ARK2C: variants seen among roughly 807,000 people sequenced by gnomAD.
ARK2C encodes the protein arkadia (RNF111) C-terminal like ring finger ubiquitin ligase 2C.
At chr18:46,393,257 A>G in the ARK2C span, among the ~76,000 whole-genome samples, 8 of 152,306 alleles carry the variant, frequency 5.3e-5, no homozygotes. Flanking sequence ...GACAACATCC[A>G]CTTAAGTTTG....
the ARK2C span, chr18:46,455,891 A>G: frequency 1.3e-6 from 1 of 759,376 alleles, no homozygotes; most frequent in Non-Finnish European, 2.3e-6. Context: ...CTCCCAGGGG[A>G]AGAGCAGGCT....
At chr18:46,425,937 C>A in the ARK2C span, among the ~76,000 whole-genome samples, 1 of 152,154 alleles carries the variant, frequency 6.6e-6, no homozygotes, top group Admixed American at 6.5e-5. Context: ...GGGTCCGCCT[C>A]CTCATAGATG....
At chr18:46,432,332 A>G in the ARK2C span, among the ~76,000 whole-genome samples, 3 of 152,254 alleles carry the variant, frequency 2.0e-5, no homozygotes, top group Non-Finnish European at 4.4e-5. Flanking sequence ...TGATAATGTT[A>G]TAACACATTA....
At chr18:46,406,700 A>G in the ARK2C span, among the ~76,000 whole-genome samples, 7 of 152,202 alleles carry the variant, frequency 4.6e-5, no homozygotes, top group Admixed American at 4.6e-4. Context: ...GTGGGCTCAC[A>G]GTGTACAGGT....
chr18:46,460,240 G>GC, the ARK2C span: 1 of 152,234 alleles, frequency 6.6e-6, no homozygotes, highest in Non-Finnish European at 1.5e-5. Flanking sequence ...AATCCCCTAA[G>GC]CCCCCCGCCT....
chr18:46,396,700 C>A, the ARK2C span, among the ~76,000 whole-genome samples: 1 of 152,138 alleles, frequency 6.6e-6, no homozygotes, highest in South Asian at 2.1e-4. Context: ...GACCATGAAC[C>A]AAAGCTTAGG....
At chr18:46,453,926 A>G in the ARK2C span, among the ~76,000 whole-genome samples, 1 of 151,762 alleles carries the variant, frequency 6.6e-6, no homozygotes, top group Admixed American at 6.6e-5. Flanking sequence ...CAGCCTGGCC[A>G]TCATAGAGAG....
chr18:46,414,512 C>T, the ARK2C span, among the ~76,000 whole-genome samples: 1 of 152,192 alleles, frequency 6.6e-6, no homozygotes, highest in South Asian at 2.1e-4. Context: ...CATGTACATG[C>T]ACATATCCAT....
At chr18:46,449,225 A>C in the ARK2C span, among the ~76,000 whole-genome samples, 1 of 152,160 alleles carries the variant, frequency 6.6e-6, no homozygotes. Context: ...GCTGTGATGG[A>C]AACTCCTCTC....
chr18:46,394,071 G>A, the ARK2C span, among the ~76,000 whole-genome samples: 1 of 152,156 alleles, frequency 6.6e-6, no homozygotes, highest in Non-Finnish European at 1.5e-5. Flanking sequence ...CTCGGGTACC[G>A]GAAATCCTGC....
At chr18:46,423,375 C>A in the ARK2C span, among the ~76,000 whole-genome samples, 1 of 152,206 alleles carries the variant, frequency 6.6e-6, no homozygotes, top group African/African-American at 2.4e-5. Flanking sequence ...GAGATTCAAG[C>A]CTATTCCCCA....
chr18:46,441,055 G>A, the ARK2C span, among the ~76,000 whole-genome samples: 1 of 152,086 alleles, frequency 6.6e-6, no homozygotes, highest in Non-Finnish European at 1.5e-5. Context: ...AGTGCACCTT[G>A]GCTCACTGCA....
At chr18:46,417,868 G>A in the ARK2C span, among the ~76,000 whole-genome samples, 1 of 151,920 alleles carries the variant, frequency 6.6e-6, no homozygotes, top group African/African-American at 2.4e-5. Context: ...GCTGGGCTTG[G>A]TGGCAGGCGC....
At chr18:46,358,443 A>T in the ARK2C span, among the ~76,000 whole-genome samples, 1 of 152,144 alleles carries the variant, frequency 6.6e-6, no homozygotes, top group South Asian at 2.1e-4. Context: ...ACTGGGAATC[A>T]CGTAAAATGA....
the ARK2C span, among the ~76,000 whole-genome samples, chr18:46,431,315 C>G: frequency 2.2e-4 from 34 of 152,248 alleles, no homozygotes; most frequent in Non-Finnish European, 4.7e-4. Context: ...CTGTTCATGC[C>G]AAAGAGTAGG....
At chr18:46,352,220 A>T in the ARK2C span, among the ~76,000 whole-genome samples, 1 of 152,112 alleles carries the variant, frequency 6.6e-6, no homozygotes, top group South Asian at 2.1e-4. Context: ...CACCTTGATG[A>T]ACTCCAGCTG....
the ARK2C span, chr18:46,435,415 TGGGGGAGGAAGGGAGGAAG>T: frequency 1.3e-6 from 2 of 1,575,458 alleles, no homozygotes; most frequent in Non-Finnish European, 1.7e-6. Context: ...TCAGGGCCCC[TGGGGGAGGAAGGGAGGAAG>T]GGAGGGAGGA....
the ARK2C span, among the ~76,000 whole-genome samples, chr18:46,438,350 G>T: frequency 6.6e-6 from 1 of 152,202 alleles, no homozygotes; most frequent in Non-Finnish European, 1.5e-5. Context: ...CCCCTGTTGG[G>T]GTAGCCCAGA....
At chr18:46,393,894 C>T in the ARK2C span, among the ~76,000 whole-genome samples, 1 of 152,234 alleles carries the variant, frequency 6.6e-6, no homozygotes, top group Non-Finnish European at 1.5e-5. Context: ...GTTACTTAAT[C>T]CTTCTGAATA....
Sources: gnomAD v4.1 joint callset for allele counts (sites outside exome capture counted in the v4.1 genomes callset) on GRCh38, gnomAD v4.1.1 for gene constraint, MANE v1.5 for transcripts, NCBI Gene and HGNC (gene_info 2026-07-23, HGNC 2026-07-21) for gene names.